The following LRMDA variants were observed in gnomAD, a reference collection of about 807,000 sequenced individuals.
LRMDA encodes the protein leucine-rich melanocyte differentiation-associated protein.
LRMDA carries 18 observed loss-of-function variants against 29.8 expected under a neutral mutation model. The ratio of observed to expected loss-of-function variants is 0.60; its 90% confidence interval spans 0.42 to 0.90. The LOEUF (loss-of-function observed/expected upper bound fraction) is 0.90, where lower values mean the gene tolerates loss of function less well. Among genes scored for constraint, LRMDA ranks in the 40% least tolerant of loss-of-function variants. The pLI is 0.00. For missense variants in LRMDA, 273 were observed against 273.9 expected (o/e 1.00, Z 0.02); for synonymous variants, 125 against 109.4 (o/e 1.14, Z -0.89).
At chr10:75,851,202 CAT>C (rs1844727387) in intron 2 of LRMDA, among the ~76,000 whole-genome samples, 1 of 152,156 alleles carries the variant, frequency 6.6e-6, no homozygotes, top group South Asian at 2.1e-4. Context: ...TCAGCACAAA[CAT>C]CCTTGTTTAT....
chr10:76,361,009 T>A (rs988477624), intron 6 of LRMDA, among the ~76,000 whole-genome samples: 1 of 152,138 alleles, frequency 6.6e-6, no homozygotes, highest in African/African-American at 2.4e-5. Context: ...GCCTGTAATC[T>A]GAGCACTTTG....
chr10:76,539,950 T>A (rs1435744428), intron 6 of LRMDA, among the ~76,000 whole-genome samples: 1 of 152,000 alleles, frequency 6.6e-6, no homozygotes, highest in Non-Finnish European at 1.5e-5. Context: ...TGGGTGACTC[T>A]GAGTTCTGAT....
intron 2 of LRMDA, among the ~76,000 whole-genome samples, chr10:75,941,535 G>A (rs1301320950): frequency 6.6e-6 from 1 of 152,114 alleles, no homozygotes; most frequent in Non-Finnish European, 1.5e-5. Flanking sequence ...TGGGGTTTAG[G>A]AAAGATGCCA....
chr10:75,560,070 A>C (rs1840270910), intron 2 of LRMDA, among the ~76,000 whole-genome samples: 1 of 151,604 alleles, frequency 6.6e-6, no homozygotes, highest in African/African-American at 2.4e-5. Flanking sequence ...TTCTGTGAAG[A>C]AAGTCATTGG....
chr10:76,266,798 A>T (rs1021293929), intron 5 of LRMDA, among the ~76,000 whole-genome samples: 1 of 152,200 alleles, frequency 6.6e-6, no homozygotes, highest in African/African-American at 2.4e-5. Flanking sequence ...ATATTTACAT[A>T]CATTGAATGG....
At chr10:76,274,401 A>G (rs1236244516) in intron 5 of LRMDA, among the ~76,000 whole-genome samples, 1 of 152,198 alleles carries the variant, frequency 6.6e-6, no homozygotes, top group East Asian at 1.9e-4. Flanking sequence ...ACCAACTGGG[A>G]TGTTTAAAAA....
At chr10:75,964,206 G>A (rs1396438561) in intron 2 of LRMDA, among the ~76,000 whole-genome samples, 1 of 152,126 alleles carries the variant, frequency 6.6e-6, no homozygotes, top group Non-Finnish European at 1.5e-5. Flanking sequence ...ATGTAGCCCT[G>A]TGTTCATTAT....
At chr10:75,617,633 C>T (rs973135709) in intron 2 of LRMDA, among the ~76,000 whole-genome samples, 2 of 152,166 alleles carry the variant, frequency 1.3e-5, no homozygotes, top group Non-Finnish European at 2.9e-5. Context: ...TGCTACTTCT[C>T]TGTCTACACA....
At chr10:76,133,010 A>T (rs2894323) in intron 5 of LRMDA, among the ~76,000 whole-genome samples, 1,530 of 114,612 alleles carry the variant, frequency 0.013, 40 homozygotes, top group African/African-American at 0.05. Context: ...TTTAGTAGAG[A>T]CAGGGTTTCA....
At chr10:76,107,749 T>C (rs1849510649) in intron 5 of LRMDA, among the ~76,000 whole-genome samples, 1 of 152,210 alleles carries the variant, frequency 6.6e-6, no homozygotes, top group Admixed American at 6.5e-5. Context: ...GACCTTTCTT[T>C]TTATTTTATT....
intron 5 of LRMDA, among the ~76,000 whole-genome samples, chr10:76,244,138 T>G (rs1852330343): frequency 6.6e-6 from 1 of 152,150 alleles, no homozygotes; most frequent in South Asian, 2.1e-4. Flanking sequence ...ATAAATTGCT[T>G]ATATGACTTT....
chr10:75,696,850 G>A (rs1842241342), intron 2 of LRMDA, among the ~76,000 whole-genome samples: 1 of 152,216 alleles, frequency 6.6e-6, no homozygotes, highest in African/African-American at 2.4e-5. Flanking sequence ...AAACCTGTGA[G>A]TGCTGGCGAT....
intron 2 of LRMDA, among the ~76,000 whole-genome samples, chr10:75,892,233 A>C (rs1845503570): frequency 6.6e-6 from 1 of 152,198 alleles, no homozygotes; most frequent in East Asian, 1.9e-4. Context: ...AAAGGAAGAA[A>C]ATATGTTATT....
chr10:76,138,297 C>T (rs1050931266), intron 5 of LRMDA, among the ~76,000 whole-genome samples: 1 of 152,140 alleles, frequency 6.6e-6, no homozygotes, highest in Admixed American at 6.6e-5. Flanking sequence ...CTTTGGCTGA[C>T]AGGTGGGGGA....
chr10:75,639,218 T>A (rs1482852176), intron 2 of LRMDA, among the ~76,000 whole-genome samples: 1 of 152,204 alleles, frequency 6.6e-6, no homozygotes, highest in East Asian at 1.9e-4. Context: ...TAAATGTATT[T>A]GTGGGTATAT....
At chr10:76,411,532 G>C (rs1345137988) in intron 6 of LRMDA, among the ~76,000 whole-genome samples, 2 of 152,220 alleles carry the variant, frequency 1.3e-5, no homozygotes, top group Non-Finnish European at 1.5e-5. Flanking sequence ...CCTATTGTTG[G>C]ACTTCAGATA....
chr10:75,834,723 A>T (rs982362095), intron 2 of LRMDA, among the ~76,000 whole-genome samples: 1 of 152,236 alleles, frequency 6.6e-6, no homozygotes, highest in Non-Finnish European at 1.5e-5. Flanking sequence ...ATCCTCTTCC[A>T]GTGTCCAGTG....
chr10:76,070,337 T>C (rs1670760530), intron 5 of LRMDA, among the ~76,000 whole-genome samples: 3 of 152,200 alleles, frequency 2.0e-5, no homozygotes, highest in Admixed American at 2.0e-4. Flanking sequence ...ACAACAGAAA[T>C]GCATTTTCTT....
intron 2 of LRMDA, among the ~76,000 whole-genome samples, chr10:75,801,814 A>G (rs779888665): frequency 2.0e-5 from 3 of 152,216 alleles, no homozygotes; most frequent in Non-Finnish European, 4.4e-5. Context: ...CTTGTACTCT[A>G]GGAAGGCAAG....
Sources: gnomAD v4.1 joint callset for allele counts (sites outside exome capture counted in the v4.1 genomes callset) on GRCh38, gnomAD v4.1.1 for gene constraint, MANE v1.5 for transcripts, NCBI Gene and HGNC (gene_info 2026-07-23, HGNC 2026-07-21) for gene names.